The following GRIA1 variants were observed in gnomAD, a reference collection of about 807,000 sequenced individuals.
The protein encoded by GRIA1 is glutamate receptor 1.
Under a neutral mutation model 99.2 loss-of-function variants are expected in GRIA1, and 31 were observed. The observed-to-expected ratio is 0.31, with a 90% CI of 0.23 to 0.42. GRIA1 has a LOEUF of 0.42. Among genes scored for constraint, GRIA1 ranks in the 10% least tolerant of loss-of-function variants. The probability of loss-of-function intolerance (pLI) is 1.00; values close to 1 mark genes in which losing one functional copy is unlikely to be tolerated. For missense variants in GRIA1, 782 were observed against 1,157.5 expected, an observed-to-expected ratio of 0.68 and a Z score of 4.71; for synonymous variants, 438 against 432.4, an observed-to-expected ratio of 1.01 and a Z score of -0.16.
chr5:153,541,956 GA>G (rs1759164889), intron 2 of GRIA1, among the ~76,000 whole-genome samples: 1 of 108,410 alleles, frequency 9.2e-6, no homozygotes, highest in East Asian at 2.5e-4. Context: ...AAAAAAACAA[GA>G]AAAGTGTTGC....
At chr5:153,668,822 C>T (rs1184394152) in intron 5 of GRIA1, among the ~76,000 whole-genome samples, 1 of 152,190 alleles carries the variant, frequency 6.6e-6, no homozygotes, top group African/African-American at 2.4e-5. Flanking sequence ...ATTTGAAGGC[C>T]CCTGCTCTGG....
chr5:153,697,254 T>C (rs1337766089), intron 8 of GRIA1, among the ~76,000 whole-genome samples: 1 of 152,348 alleles, frequency 6.6e-6, no homozygotes, highest in East Asian at 1.9e-4. Context: ...CCATGTCATG[T>C]CTTCCCATGG....
chr5:153,536,266 C>G (rs1188724742), intron 2 of GRIA1, among the ~76,000 whole-genome samples: 1 of 152,118 alleles, frequency 6.6e-6, no homozygotes, highest in Non-Finnish European at 1.5e-5. Context: ...CTTTCTTCAT[C>G]CCTGTCTCCT....
At chr5:153,646,851 A>C in intron 2 of GRIA1, 77 bp from the exon 3 acceptor site, 1 of 1,478,360 alleles carries the variant, frequency 6.8e-7, no homozygotes, top group East Asian at 2.3e-5. Context: ...TGGATGAACT[A>C]GTGGATGGAT....
chr5:153,710,823 C>T (rs540100650), intron 11 of GRIA1, among the ~76,000 whole-genome samples: 1 of 152,190 alleles, frequency 6.6e-6, no homozygotes, highest in Admixed American at 6.5e-5. Context: ...AACAAATTAT[C>T]GTGAATGTGT....
intron 2 of GRIA1, among the ~76,000 whole-genome samples, chr5:153,621,301 T>C (rs375503010): frequency 3.7e-4 from 57 of 152,272 alleles, no homozygotes; most frequent in African/African-American, 1.1e-3. Context: ...AGTAACCATC[T>C]GAAAGAAATT....
At chr5:153,810,323 C>T (rs1165157488) in intron 15 of GRIA1, among the ~76,000 whole-genome samples, 1 of 152,210 alleles carries the variant, frequency 6.6e-6, no homozygotes, top group African/African-American at 2.4e-5. Flanking sequence ...TTTTCTTTAG[C>T]ACATGTTCCT....
chr5:153,807,868 C>T (rs1042405060), intron 15 of GRIA1, among the ~76,000 whole-genome samples: 3 of 152,184 alleles, frequency 2.0e-5, no homozygotes, highest in African/African-American at 7.2e-5. Flanking sequence ...AATCCCCAGC[C>T]TCTCTCACCC....
At chr5:153,677,817 A>G (rs2149488757) in intron 7 of GRIA1, among the ~76,000 whole-genome samples, 2 of 152,320 alleles carry the variant, frequency 1.3e-5, no homozygotes, top group Middle Eastern at 3.4e-3. Context: ...ATGTGGGTGT[A>G]TATTTAACAT....
chr5:153,687,407 AG>A (rs1757416577), intron 8 of GRIA1, among the ~76,000 whole-genome samples: 1 of 152,140 alleles, frequency 6.6e-6, no homozygotes, highest in Non-Finnish European at 1.5e-5. Flanking sequence ...CCAACCTCAT[AG>A]GGTCATTGAG....
At chr5:153,760,714 C>A (rs1763124714) in intron 11 of GRIA1, among the ~76,000 whole-genome samples, 1 of 151,928 alleles carries the variant, frequency 6.6e-6, no homozygotes, top group African/African-American at 2.4e-5. Flanking sequence ...CCTGAAGAGC[C>A]AAGGCAATCT....
intron 2 of GRIA1, among the ~76,000 whole-genome samples, chr5:153,517,179 C>T (rs1029743956): frequency 6.6e-6 from 1 of 152,182 alleles, no homozygotes; most frequent in African/African-American, 2.4e-5. Flanking sequence ...CCCACCAGTA[C>T]CCAGAGGCCC....
chr5:153,499,063 CA>C (rs1246056208), intron 2 of GRIA1, among the ~76,000 whole-genome samples: 1 of 152,060 alleles, frequency 6.6e-6, no homozygotes, highest in Non-Finnish European at 1.5e-5. Flanking sequence ...AGTGTGTATA[CA>C]GTAATGAAGA....
At chr5:153,808,132 A>G (rs1247662341) in intron 15 of GRIA1, among the ~76,000 whole-genome samples, 1 of 152,208 alleles carries the variant, frequency 6.6e-6, no homozygotes, top group Non-Finnish European at 1.5e-5. Flanking sequence ...CTCTTCTTAG[A>G]AAAGCAAGTG....
chr5:153,781,918 C>T (rs371781909), intron 13 of GRIA1, among the ~76,000 whole-genome samples: 3 of 152,048 alleles, frequency 2.0e-5, no homozygotes, highest in South Asian at 4.2e-4. Flanking sequence ...GAGCAGGGAC[C>T]GCAACCTCAA....
At position 153,490,938 on chromosome 5, in the gene GRIA1, T is replaced by G. The variant is rs369322935; in HGVS notation, c.50T>G (p.Val17Gly). The G allele has an allele frequency of 1.2e-6, 2 of 1,614,004 alleles. No individual in the cohort carries two copies. Among genetic ancestry groups the G allele is most frequent in the Non-Finnish European group, 1.7e-6 (2 of 1,180,004 alleles). Reference protein sequence around the residue: ...FFCTGFLGAVVGANFPNNIQI... With the variant: ...FFCTGFLGAVGGANFPNNIQI... Reference sequence around the variant, plus strand: ...TGCACCGGTTTCCTAGGCGCGGTAGTAGGTGCCAATTTCCCCAACAATATC... The same window carrying G: ...TGCACCGGTTTCCTAGGCGCGGTAGGAGGTGCCAATTTCCCCAACAATATC... The change falls in exon 1 of 16, where the codon GTA becomes GGA. Residue 17 changes from valine (V) to glycine (G), a missense_variant. Around this residue, in one of 5 missense-constraint regions of GRIA1, gnomAD observed 461 missense variants for 521.7 expected, o/e 0.88. Coordinates refer to ENST00000285900, the MANE Select transcript of GRIA1 (RefSeq NM_000827.4).
chr5:153,551,674 T>C (rs1760154333), intron 2 of GRIA1, among the ~76,000 whole-genome samples: 1 of 152,174 alleles, frequency 6.6e-6, no homozygotes, highest in Non-Finnish European at 1.5e-5. Context: ...CATAGCCCTT[T>C]TGCTGTAGTA....
At chr5:153,732,360 GT>G (rs1761096829) in intron 11 of GRIA1, among the ~76,000 whole-genome samples, 1 of 151,988 alleles carries the variant, frequency 6.6e-6, no homozygotes, top group Non-Finnish European at 1.5e-5. Flanking sequence ...TAAAAATTCT[GT>G]TTTCTTCACA....
intron 2 of GRIA1, among the ~76,000 whole-genome samples, chr5:153,529,138 C>T (rs1757872522): frequency 6.6e-6 from 1 of 152,190 alleles, no homozygotes; most frequent in East Asian, 1.9e-4. Flanking sequence ...TGTCTTTATT[C>T]TAGTCACTTC....
Sources: allele counts gnomAD v4.1 joint callset (sites outside exome capture counted in the v4.1 genomes callset), GRCh38; gene constraint gnomAD v4.1.1; regional missense constraint gnomAD v4.1.1; transcripts MANE v1.5; gene names NCBI Gene and HGNC (gene_info 2026-07-23, HGNC 2026-07-21).